Variants in LRRN2 observed in about 807,000 individuals in gnomAD.
LRRN2 encodes the protein leucine-rich repeat neuronal protein 2.
In LRRN2, 10 loss-of-function variants were observed where a neutral mutation model predicts 35.7. That is an observed-to-expected ratio of 0.28 (90% CI 0.17 to 0.47). The LOEUF is 0.47. LRRN2 is among the 20% of genes least tolerant of loss of function. The pLI, the probability that LRRN2 is intolerant of heterozygous loss-of-function variation, is 0.99. For synonymous variants in LRRN2, 391 were observed against 409.6 expected (o/e 0.95, Z 0.55); for missense variants, 731 against 940.3 (o/e 0.78, Z 2.91).
intron 1 of LRRN2, among the ~76,000 whole-genome samples, chr1:204,627,587 A>T (rs1376667641): frequency 6.6e-6 from 1 of 152,144 alleles, no homozygotes; most frequent in African/African-American, 2.4e-5. Flanking sequence ...CTTAATTAGG[A>T]GTGGAAGGTG....
intron 1 of LRRN2, among the ~76,000 whole-genome samples, chr1:204,679,929 G>A (rs983143209): frequency 1.3e-5 from 2 of 152,236 alleles, no homozygotes; most frequent in South Asian, 2.1e-4. Flanking sequence ...AAGGAGACAG[G>A]CAGCCACTGG....
rs566256912 is a variant in LRRN2, at chr1:204,646,881, A to G, written c.-226-26663T>C. On this transcript the variant is annotated intron_variant, in intron 1 of 1. Coordinates refer to ENST00000367177, the MANE Select transcript of LRRN2 (RefSeq NM_201630.2). ...TTAGAAAGACTTAGGTTCAAATCCC[A>G]CCTCCACCACTTGCTCAAGGACACT... Among the ~76,000 whole-genome samples the G allele has an allele frequency of 1.2e-4, 19 of 152,276 alleles. No homozygotes were observed. In the South Asian group the frequency reaches 3.9e-3, roughly 32 times the overall value.
At chr1:204,684,144 T>C (rs1669015568) in intron 1 of LRRN2, among the ~76,000 whole-genome samples, 1 of 152,062 alleles carries the variant, frequency 6.6e-6, no homozygotes, top group South Asian at 2.1e-4. Flanking sequence ...ACCTACATCT[T>C]CCCCTATGAC....
intron 1 of LRRN2, chr1:204,629,300 A>G (rs964925743): frequency 1.3e-5 from 2 of 152,228 alleles, no homozygotes; most frequent in Non-Finnish European, 2.9e-5. Flanking sequence ...CTGCACCCCT[A>G]TGTGGTCTTT....
At chr1:204,622,419 T>C (rs914992791) in intron 1 of LRRN2, among the ~76,000 whole-genome samples, 4 of 152,178 alleles carry the variant, frequency 2.6e-5, no homozygotes, top group African/African-American at 9.7e-5. Flanking sequence ...TACATTTGGC[T>C]ACTTCCCACT....
chr1:204,650,343 GGT>G (rs1668196572), intron 1 of LRRN2, among the ~76,000 whole-genome samples: 2 of 152,222 alleles, frequency 1.3e-5, no homozygotes, highest in African/African-American at 4.8e-5. Context: ...TGAAGTCCCA[GGT>G]GCATTGGCTT....
intron 1 of LRRN2, among the ~76,000 whole-genome samples, chr1:204,623,222 C>T (rs546059630): frequency 2.0e-5 from 3 of 152,196 alleles, no homozygotes; most frequent in Non-Finnish European, 2.9e-5. Flanking sequence ...TTAGACCCTA[C>T]CCGAGTCCAG....
chr1:204,639,279 G>A (rs939940565), intron 1 of LRRN2, among the ~76,000 whole-genome samples: 1 of 152,214 alleles, frequency 6.6e-6, no homozygotes, highest in Non-Finnish European at 1.5e-5. Context: ...ATAAGACAAG[G>A]TGCTGCCCTC....
intron 1 of LRRN2, among the ~76,000 whole-genome samples, chr1:204,676,139 CGTGT>C (rs56189865): frequency 0.056 from 8,279 of 148,076 alleles, 318 homozygotes; most frequent in African/African-American, 0.11. Flanking sequence ...TACATGGAGC[CGTGT>C]GTGTGTGTGT....
chr1:204,619,360 G>A lies in LRRN2; in HGVS notation c.633C>T (p.Pro211=), dbSNP rs753547164. The change falls in exon 2 of 2, where the codon CCC becomes CCT. Residue 211 remains proline (P), a synonymous_variant. Transcript: ENST00000367177. ...VDAILDMNFR[P]LANLRSLVLA... is the part of the protein sequence containing the mutation. ...GCACCAGGCTACGCAGGTTGGCCAG[G>A]GGCCGGAAGTTCATGTCCAGGATGG... is the stretch of plus-strand genomic sequence containing the variant. 8 of 1,614,236 alleles carry A rather than the reference G, an allele frequency of 5.0e-6. No homozygotes were observed. Among genetic ancestry groups the A allele is most frequent in the South Asian group, 1.1e-5 (1 of 91,082 alleles).
chr1:204,632,795 G>T (rs9726913), intron 1 of LRRN2, among the ~76,000 whole-genome samples: 5 of 151,854 alleles, frequency 3.3e-5, no homozygotes, highest in African/African-American at 9.7e-5. Context: ...TTAGCCAGGC[G>T]TGGTGGCGGG....
intron 1 of LRRN2, among the ~76,000 whole-genome samples, chr1:204,627,789 A>G (rs1250831722): frequency 6.6e-6 from 1 of 152,146 alleles, no homozygotes; most frequent in Admixed American, 6.5e-5. Context: ...GGCTCCCATG[A>G]TGCCCTAGTG....
intron 1 of LRRN2, among the ~76,000 whole-genome samples, chr1:204,632,061 AAAAC>A (rs564415281): frequency 1.3e-4 from 20 of 152,206 alleles, no homozygotes; most frequent in South Asian, 1.0e-3. Flanking sequence ...TCTCTACCAA[AAAAC>A]AAACAAACAA....
chr1:204,682,256 GTCATTGCCC>G (rs993659474), intron 1 of LRRN2, among the ~76,000 whole-genome samples: 5 of 152,186 alleles, frequency 3.3e-5, no homozygotes, highest in African/African-American at 1.2e-4. Context: ...CACAGGAAAA[GTCATTGCCC>G]TCCCTGCCTC....
At chr1:204,659,549 T>C (rs1668427693) in intron 1 of LRRN2, among the ~76,000 whole-genome samples, 1 of 152,146 alleles carries the variant, frequency 6.6e-6, no homozygotes, top group South Asian at 2.1e-4. Context: ...AGGACATCTG[T>C]CTTACGGCCA....
intron 1 of LRRN2, among the ~76,000 whole-genome samples, chr1:204,673,495 G>A (rs1668754559): frequency 1.3e-5 from 2 of 152,244 alleles, no homozygotes; most frequent in South Asian, 4.1e-4. Flanking sequence ...GAGCTGGGAA[G>A]CAGAAGCCAC....
At chr1:204,653,241 C>G (rs971179873) in intron 1 of LRRN2, among the ~76,000 whole-genome samples, 8 of 152,214 alleles carry the variant, frequency 5.3e-5, no homozygotes, top group Admixed American at 5.2e-4. Flanking sequence ...CTGCAAGATA[C>G]AAGTACCCAG....
At chr1:204,654,033 C>CAAAA (rs56179230) in intron 1 of LRRN2, among the ~76,000 whole-genome samples, 4 of 84,274 alleles carry the variant, frequency 4.7e-5, no homozygotes, top group East Asian at 4.2e-4. Context: ...GAGACCCTGA[C>CAAAA]AAAAAAAAAA....
Position 204,620,015 on chromosome 1 carries a change from C to A in LRRN2, c.-23G>T, listed in dbSNP as rs1364232305. 6.3e-7 allele frequency: 1 copy of A among 1,591,242 alleles called. No individual in the cohort carries two copies. The highest frequency in any genetic ancestry group is 8.5e-7 in the Non-Finnish European group (1 of 1,170,026). On this transcript the variant is annotated 5_prime_UTR_variant, in exon 2 of 2. Coordinates refer to ENST00000367177, the MANE Select transcript of LRRN2 (RefSeq NM_201630.2). Reference sequence around the variant, plus strand: ...CATGGTGGAGCTGCAGGGCAGGGGACCATTCACAAGAAGAGTCTGGAGTCC... The same window carrying A: ...CATGGTGGAGCTGCAGGGCAGGGGAACATTCACAAGAAGAGTCTGGAGTCC...
Sources: gnomAD v4.1 joint callset for allele counts (sites outside exome capture counted in the v4.1 genomes callset) on GRCh38, gnomAD v4.1.1 for gene constraint, MANE v1.5 for transcripts, NCBI Gene and HGNC (gene_info 2026-07-23, HGNC 2026-07-21) for gene names.